The following CHST3 variants were observed in gnomAD, a reference collection of about 807,000 sequenced individuals.
CHST3 encodes the protein C6ST-1.
In CHST3, 20 loss-of-function variants were observed where a neutral mutation model predicts 35.4. The ratio of observed to expected loss-of-function variants is 0.57; its 90% CI spans 0.40 to 0.82. CHST3 has a LOEUF of 0.82. Ranked by LOEUF, CHST3 falls within the 40% of genes least tolerant of loss-of-function variation. The pLI, the probability that CHST3 is intolerant of heterozygous loss-of-function variation, is 0.00. For missense variants in CHST3, 693 were observed against 670.1 expected, an observed-to-expected ratio of 1.03 and a Z score of -0.38; for synonymous variants, 334 against 295.9, an observed-to-expected ratio of 1.13 and a Z score of -1.32.
chr10:71,983,693 C>G (rs1236776368), intron 1 of CHST3, among the ~76,000 whole-genome samples: 1 of 152,120 alleles, frequency 6.6e-6, no homozygotes, highest in Non-Finnish European at 1.5e-5. Flanking sequence ...TCAAGTGATT[C>G]ACCTGCCTCG....
At chr10:71,983,998 C>A (rs1251410621) in intron 1 of CHST3, among the ~76,000 whole-genome samples, 1 of 152,164 alleles carries the variant, frequency 6.6e-6, no homozygotes, top group Non-Finnish European at 1.5e-5. Context: ...TATTTAAACT[C>A]CCCAAAATTC....
intron 1 of CHST3, among the ~76,000 whole-genome samples, chr10:71,970,614 A>G (rs1465369111): frequency 6.6e-6 from 1 of 152,136 alleles, no homozygotes; most frequent in Admixed American, 6.5e-5. Context: ...TGTATATGGG[A>G]GAGAAGACGG....
intron 1 of CHST3, among the ~76,000 whole-genome samples, chr10:71,968,212 G>A (rs2131735180): frequency 6.6e-6 from 1 of 152,144 alleles, no homozygotes; most frequent in South Asian, 2.1e-4. Flanking sequence ...TCTCATTGTG[G>A]TTTTGATTTG....
At chr10:71,974,943 T>C (rs1214426119) in intron 1 of CHST3, among the ~76,000 whole-genome samples, 4 of 152,176 alleles carry the variant, frequency 2.6e-5, no homozygotes, top group African/African-American at 9.7e-5. Context: ...CATGAAGAGC[T>C]TCCAGAAGGG....
intron 1 of CHST3, among the ~76,000 whole-genome samples, chr10:71,973,386 G>C (rs1839714472): frequency 6.6e-6 from 1 of 152,222 alleles, no homozygotes; most frequent in Admixed American, 6.5e-5. Context: ...AACCCCACCA[G>C]CAAGTGGAGA....
intron 1 of CHST3, among the ~76,000 whole-genome samples, chr10:72,000,334 T>C (rs936626584): frequency 2.6e-5 from 4 of 152,166 alleles, no homozygotes; most frequent in African/African-American, 9.7e-5. Flanking sequence ...GATGAAGCTC[T>C]CCTCTCCCGG....
intron 1 of CHST3, among the ~76,000 whole-genome samples, chr10:71,965,452 T>C (rs1839620875): frequency 6.6e-6 from 1 of 152,128 alleles, no homozygotes. Context: ...ATGTGCTTCC[T>C]CCAGGGACTT....
In CHST3 at chr10:71,980,172, A is replaced by C. The variant is rs567117467; in HGVS notation, c.-108+15478A>C. ...CAGTGGCTTTCCAACTTTTAGACTA[A>C]AACCTCAGACACAGACACCCACACA... is the stretch of plus-strand genomic sequence containing the variant. On this transcript the variant is annotated intron_variant, in intron 1 of 2. Transcript: ENST00000373115. Among the ~76,000 whole-genome samples, 11 of 152,326 alleles carry C rather than the reference A, an allele frequency of 7.2e-5. No individual in the cohort carries two copies. In the East Asian group the frequency reaches 2.1e-3, roughly 29 times the overall value.
At chr10:71,979,168 C>T (rs901099355) in intron 1 of CHST3, among the ~76,000 whole-genome samples, 3 of 152,108 alleles carry the variant, frequency 2.0e-5, no homozygotes, top group African/African-American at 4.8e-5. Context: ...GGGAGAGGAA[C>T]GTGTGGTAGG....
intron 1 of CHST3, 140 bp from the exon 2 acceptor site, chr10:72,005,596 T>A (rs1424437054): frequency 1.7e-6 from 1 of 577,418 alleles, no homozygotes; most frequent in Non-Finnish European, 3.1e-6. Flanking sequence ...TCAGTGTCTC[T>A]GGGGCACAGT....
At chr10:71,983,512 T>C (rs752409350) in intron 1 of CHST3, among the ~76,000 whole-genome samples, 7 of 152,136 alleles carry the variant, frequency 4.6e-5, no homozygotes, top group Non-Finnish European at 1.0e-4. Context: ...GTGCAGTGGC[T>C]CAATCTTGGC....
At chr10:71,977,075 A>ACC (rs1839752441) in intron 1 of CHST3, among the ~76,000 whole-genome samples, 1 of 152,210 alleles carries the variant, frequency 6.6e-6, no homozygotes, top group South Asian at 2.1e-4. Flanking sequence ...AACCTGAAAA[A>ACC]TAACCTGGAA....
At chr10:71,987,413 C>T (rs1231810792) in intron 1 of CHST3, among the ~76,000 whole-genome samples, 1 of 152,024 alleles carries the variant, frequency 6.6e-6, no homozygotes, top group Non-Finnish European at 1.5e-5. Context: ...ATTCTGTTGC[C>T]ACTGTATAGA....
At chr10:71,992,913 C>T (rs748377747) in intron 1 of CHST3, among the ~76,000 whole-genome samples, 6 of 151,966 alleles carry the variant, frequency 3.9e-5, no homozygotes, top group East Asian at 1.9e-4. Context: ...CCACCTGCCC[C>T]GGCCCCCCAA....
intron 1 of CHST3, among the ~76,000 whole-genome samples, chr10:71,978,031 C>T (rs932383995): frequency 6.6e-6 from 1 of 152,234 alleles, no homozygotes; most frequent in African/African-American, 2.4e-5. Context: ...CTACGCCTTC[C>T]TATGCCTCTA....
intron 1 of CHST3, among the ~76,000 whole-genome samples, chr10:71,976,833 C>T (rs1010227173): frequency 6.6e-6 from 1 of 152,236 alleles, no homozygotes; most frequent in Non-Finnish European, 1.5e-5. Context: ...GGATAGAAAA[C>T]TGGAACCTAC....
At chr10:71,971,867 A>ACC (rs1244401476) in intron 1 of CHST3, among the ~76,000 whole-genome samples, 1 of 152,092 alleles carries the variant, frequency 6.6e-6, no homozygotes, top group Non-Finnish European at 1.5e-5. Context: ...GAAATCTAGA[A>ACC]CCTGCCAGTC....
chr10:71,968,904 A>G (rs1485120441), intron 1 of CHST3, among the ~76,000 whole-genome samples: 1 of 152,128 alleles, frequency 6.6e-6, no homozygotes, highest in Non-Finnish European at 1.5e-5. Context: ...TTGTGACCAT[A>G]CCGTGAATAG....
intron 1 of CHST3, among the ~76,000 whole-genome samples, chr10:71,976,899 G>A (rs958858408): frequency 6.6e-5 from 10 of 152,130 alleles, no homozygotes; most frequent in African/African-American, 2.2e-4. Context: ...ACATGTCCAT[G>A]GTGCAAAGTT....
Sources: gnomAD v4.1 joint callset for allele counts (sites outside exome capture counted in the v4.1 genomes callset) on GRCh38, gnomAD v4.1.1 for gene constraint, MANE v1.5 for transcripts, NCBI Gene and HGNC (gene_info 2026-07-23, HGNC 2026-07-21) for gene names.